The following WWOX variants were observed in gnomAD, a reference collection of about 807,000 sequenced individuals.
WWOX encodes the protein WW domain-containing oxidoreductase.
In WWOX, 69 loss-of-function variants were observed where a neutral mutation model predicts 46.2. The ratio of observed to expected loss-of-function variants is 1.49; its 90% confidence interval spans 1.23 to 1.82. The LOEUF (loss-of-function observed/expected upper bound fraction) is 1.82, where lower values mean the gene tolerates loss of function less well. WWOX is among the 40% of genes most tolerant of loss of function. The probability of loss-of-function intolerance (pLI) is 0.00; values close to 1 mark genes in which losing one functional copy is unlikely to be tolerated. For missense variants in WWOX, 919 were observed against 542.6 expected, an observed-to-expected ratio of 1.69 and a Z score of -6.89; for synonymous variants, 359 against 202.6, an observed-to-expected ratio of 1.77 and a Z score of -6.56.
intron 8 of WWOX, among the ~76,000 whole-genome samples, chr16:79,083,208 T>G (rs377312268): frequency 9.1e-4 from 138 of 152,304 alleles, no homozygotes; most frequent in African/African-American, 3.3e-3. Flanking sequence ...GGCACTTTGC[T>G]GCCTCCTTTG....
intron 8 of WWOX, among the ~76,000 whole-genome samples, chr16:79,194,025 A>T (rs1177063727): frequency 1.3e-5 from 2 of 152,150 alleles, no homozygotes; most frequent in Non-Finnish European, 2.9e-5. Flanking sequence ...AACTGGGGAA[A>T]ATCTTAGTAA....
chr16:78,361,369 T>A (rs56303514), intron 5 of WWOX, among the ~76,000 whole-genome samples: 32,974 of 151,870 alleles, frequency 0.22, 5,086 homozygotes, highest in African/African-American at 0.44. Flanking sequence ...TTTTCCAATG[T>A]AATGTTATTA....
chr16:79,181,604 A>G (rs997862925), intron 8 of WWOX, among the ~76,000 whole-genome samples: 4 of 152,088 alleles, frequency 2.6e-5, no homozygotes, highest in African/African-American at 4.8e-5. Flanking sequence ...TAGTTGTACC[A>G]AAGTTTGCTT....
chr16:78,411,690 A>G (rs955568532), intron 6 of WWOX, among the ~76,000 whole-genome samples: 2 of 152,240 alleles, frequency 1.3e-5, no homozygotes, highest in Non-Finnish European at 2.9e-5. Context: ...GGCTTTAACC[A>G]GTATTCATAA....
At chr16:78,564,491 G>A (rs2044516322) in intron 8 of WWOX, among the ~76,000 whole-genome samples, 1 of 152,180 alleles carries the variant, frequency 6.6e-6, no homozygotes, top group Non-Finnish European at 1.5e-5. Flanking sequence ...TCCCTCACAA[G>A]GATCAGGTGG....
intron 8 of WWOX, among the ~76,000 whole-genome samples, chr16:78,756,498 G>T (rs2049651002): frequency 6.6e-6 from 1 of 152,126 alleles, no homozygotes; most frequent in Admixed American, 6.6e-5. Flanking sequence ...TGAGGAGATG[G>T]ACTTTAGCCA....
At chr16:78,618,433 C>G (rs1224145357) in intron 8 of WWOX, among the ~76,000 whole-genome samples, 2 of 152,188 alleles carry the variant, frequency 1.3e-5, no homozygotes, top group Non-Finnish European at 2.9e-5. Flanking sequence ...ACCATCTTCT[C>G]TGTCTTCACA....
rs550268268 is a variant in WWOX at position 78,625,265 on chromosome 16, G to A, written c.1056+192513G>A. 3.3e-5 allele frequency among the ~76,000 whole-genome samples: 5 copies of A among 152,258 alleles called. No individual in the cohort carries two copies. The East Asian group carries it at 9.7e-4, about 29-fold the overall frequency. On this transcript the variant is annotated intron_variant, in intron 8 of 8. Transcript: ENST00000566780. ...GCCCCAGCCCCACTCTTTAGCCTCAGTCCCTCTGTGGTTCCCCTGACTGAG... is the reference window on the plus strand; with the variant it reads ...GCCCCAGCCCCACTCTTTAGCCTCAATCCCTCTGTGGTTCCCCTGACTGAG...
At chr16:78,897,403 C>A (rs1190335596) in intron 8 of WWOX, 2 of 152,066 alleles carry the variant, frequency 1.3e-5, no homozygotes, top group African/African-American at 4.8e-5. Flanking sequence ...TCTAGAACTT[C>A]ATTTAATAGA....
At chr16:78,977,621 T>C (rs116241733) in intron 8 of WWOX, among the ~76,000 whole-genome samples, 2,553 of 152,124 alleles carry the variant, frequency 0.017, 71 homozygotes, top group African/African-American at 0.057. Context: ...GGAGAGGAGA[T>C]AGAAGAAGGA....
At chr16:78,743,068 T>C (rs1019190325) in intron 8 of WWOX, among the ~76,000 whole-genome samples, 2 of 151,980 alleles carry the variant, frequency 1.3e-5, no homozygotes, top group African/African-American at 4.8e-5. Context: ...GAACAGGAAG[T>C]GAACCCGATC....
chr16:78,780,925 G>GAGC (rs1023601478), intron 8 of WWOX, among the ~76,000 whole-genome samples: 1 of 152,200 alleles, frequency 6.6e-6, no homozygotes, highest in Admixed American at 6.5e-5. Flanking sequence ...TGGGTTCAGA[G>GAGC]AGCAGCAGCA....
At chr16:78,128,861 A>C (rs1480795355) in intron 4 of WWOX, among the ~76,000 whole-genome samples, 1 of 152,198 alleles carries the variant, frequency 6.6e-6, no homozygotes, top group Non-Finnish European at 1.5e-5. Flanking sequence ...TTCAGCAGCT[A>C]GGTTTGAGAA....
At chr16:78,406,256 G>A (rs116293571) in intron 6 of WWOX, among the ~76,000 whole-genome samples, 1 of 138,124 alleles carries the variant, frequency 7.2e-6, no homozygotes, top group Non-Finnish European at 1.5e-5. Context: ...AATTGATTTT[G>A]TGAGGATGAT....
chr16:78,922,609 C>T (rs1474934017), intron 8 of WWOX, among the ~76,000 whole-genome samples: 2 of 152,110 alleles, frequency 1.3e-5, no homozygotes, highest in Non-Finnish European at 2.9e-5. Context: ...GAGCTCCTGA[C>T]CTTAGGTGAT....
chr16:78,231,897 GA>G (rs1229943210), intron 5 of WWOX, among the ~76,000 whole-genome samples: 1 of 42,262 alleles, frequency 2.4e-5, no homozygotes, highest in East Asian at 6.5e-4. Context: ...GTCTAATCTT[GA>G]TTTTTTTTTT....
At chr16:78,692,170 T>G (rs2142268584) in intron 8 of WWOX, among the ~76,000 whole-genome samples, 1 of 152,328 alleles carries the variant, frequency 6.6e-6, no homozygotes, top group African/African-American at 2.4e-5. Context: ...GAAATCCATG[T>G]GTTAGGAAGG....
chr16:78,273,980 G>C (rs1427467502), intron 5 of WWOX, among the ~76,000 whole-genome samples: 1 of 152,132 alleles, frequency 6.6e-6, no homozygotes, highest in African/African-American at 2.4e-5. Context: ...AATTATATTG[G>C]CATATTTGGA....
chr16:78,966,041 C>T (rs2046357595), intron 8 of WWOX, among the ~76,000 whole-genome samples: 1 of 152,146 alleles, frequency 6.6e-6, no homozygotes, highest in South Asian at 2.1e-4. Flanking sequence ...CTGTGTGCCT[C>T]ATCAATTTTG....
Sources: allele counts gnomAD v4.1 joint callset (sites outside exome capture counted in the v4.1 genomes callset), GRCh38; gene constraint gnomAD v4.1.1; transcripts MANE v1.5; gene names NCBI Gene and HGNC (gene_info 2026-07-23, HGNC 2026-07-21).